ARHGAP8: variants seen among roughly 807,000 people sequenced by gnomAD.
ARHGAP8 encodes rho GTPase-activating protein 8.
In ARHGAP8, 62 loss-of-function variants were observed where a neutral mutation model predicts 46.1. That is an observed-to-expected ratio of 1.34 (90% CI 1.10 to 1.66). The LOEUF is 1.66. ARHGAP8 is among the 40% of genes most tolerant of loss of function. The probability of loss-of-function intolerance (pLI) is 0.00; values close to 1 mark genes in which losing one functional copy is unlikely to be tolerated. For missense variants in ARHGAP8, 923 were observed against 568.4 expected (o/e 1.62, Z -6.34); for synonymous variants, 375 against 243.1 (o/e 1.54, Z -5.05).
intron 2 of ARHGAP8, among the ~76,000 whole-genome samples, chr22:44,801,323 C>T (rs1408878588): frequency 9.0e-6 from 1 of 111,454 alleles, no homozygotes; most frequent in Non-Finnish European, 1.8e-5. Flanking sequence ...CTCCCCGCAG[C>T]TGTCTATGTG....
intron 3 of ARHGAP8, among the ~76,000 whole-genome samples, chr22:44,803,608 C>T (rs1397801931): frequency 7.3e-6 from 1 of 137,598 alleles, no homozygotes; most frequent in Admixed American, 7.6e-5. Flanking sequence ...GCTGTCCTCT[C>T]TCCACCCCCC....
At chr22:44,785,280 C>T (rs1927134225) in intron 1 of ARHGAP8, among the ~76,000 whole-genome samples, 1 of 152,130 alleles carries the variant, frequency 6.6e-6, no homozygotes, top group South Asian at 2.1e-4. Context: ...CTACCCATCT[C>T]CTCGGGCCGC....
chr22:44,807,207 G>A (rs529390553), intron 3 of ARHGAP8, among the ~76,000 whole-genome samples: 1 of 152,316 alleles, frequency 6.6e-6, no homozygotes, highest in South Asian at 2.1e-4. Context: ...TGAGCTGAGG[G>A]ATCATGGCCT....
intron 1 of ARHGAP8, among the ~76,000 whole-genome samples, chr22:44,779,097 CTTTTTTTTT>C (rs532665716): frequency 3.8e-5 from 1 of 26,110 alleles, no homozygotes; most frequent in Non-Finnish European, 8.7e-5. Flanking sequence ...TGGTCTCTGA[CTTTTTTTTT>C]TTTTTTTTTT....
rs2070529449 is a variant in ARHGAP8, at chr22:44,862,257, G to A, written c.982-18G>A. The A allele has an allele frequency of 2.5e-6, 4 of 1,575,048 alleles. No homozygotes were observed. Among genetic ancestry groups the A allele is most frequent in the Non-Finnish European group, 3.5e-6 (4 of 1,156,100 alleles). ...CCTTGGTGTTCACTCCCCTTTACTTGTGTGTGGTTTCCTCCAGGTGTCCCG... is the reference window on the plus strand; with the variant it reads ...CCTTGGTGTTCACTCCCCTTTACTTATGTGTGGTTTCCTCCAGGTGTCCCG... On this transcript the variant is annotated intron_variant, in intron 11 of 11. Transcript: ENST00000356099.
chr22:44,817,446 C>T (rs977796886), intron 5 of ARHGAP8, among the ~76,000 whole-genome samples: 1 of 152,242 alleles, frequency 6.6e-6, no homozygotes, highest in Non-Finnish European at 1.5e-5. Flanking sequence ...CACCCTTGTG[C>T]CCTATGTGAC....
chr22:44,761,251 C>T (rs1009469908), intron 1 of ARHGAP8, among the ~76,000 whole-genome samples: 6 of 152,186 alleles, frequency 3.9e-5, no homozygotes, highest in African/African-American at 1.4e-4. Flanking sequence ...TTCGTGGGCT[C>T]TGCATCCGTG....
At chr22:44,842,500 C>T (rs1931719286) in intron 7 of ARHGAP8, among the ~76,000 whole-genome samples, 2 of 152,168 alleles carry the variant, frequency 1.3e-5, no homozygotes, top group Admixed American at 6.5e-5. Context: ...GTGGAATCAC[C>T]CTCCAGAAAG....
chr22:44,862,535 G>A lies in ARHGAP8; in HGVS notation c.1242G>A (p.Thr414=), dbSNP rs367955730. The A allele has an allele frequency of 9.3e-5, 149 of 1,609,068 alleles. No individual in the cohort carries two copies. Among genetic ancestry groups the A allele is most frequent in the Non-Finnish European group, 1.1e-4 (128 of 1,176,162 alleles). ...LQEAVPRTQA[T]GLTKPTLPPS... ...AGGCTGTGCCACGGACACAAGCCAC[G>A]GGCCTCACCAAGCCTACCCTACCTC... Residue 414 remains threonine, a synonymous_variant, in exon 12 of 12, where the codon ACG becomes ACA. Coordinates refer to ENST00000356099, the MANE Select transcript of ARHGAP8 (RefSeq NM_181335.3).
chr22:44,798,528 C>T (rs925664519), intron 2 of ARHGAP8, among the ~76,000 whole-genome samples: 3 of 75,590 alleles, frequency 4.0e-5, no homozygotes, highest in African/African-American at 1.2e-4. Flanking sequence ...GGGGGACTTG[C>T]GTTTTTTTTT....
rs563633268 is a variant in ARHGAP8, at chr22:44,816,401, G to A, written c.386+1643G>A. 9.2e-5 allele frequency among the ~76,000 whole-genome samples: 14 copies of A among 152,194 alleles called. No individual in the cohort carries two copies. The South Asian group carries it at 1.0e-3, about 11-fold the overall frequency. On this transcript the variant is annotated intron_variant, in intron 5 of 11. Coordinates refer to ENST00000356099, the MANE Select transcript of ARHGAP8 (RefSeq NM_181335.3). ...GCACCTGCCTGTCTTCCCACCAGCC[G>A]TCTCCCGCCCCAAGGGCTACACTGC...
At chr22:44,754,373 T>TGAGA (rs71857186) in intron 1 of ARHGAP8, among the ~76,000 whole-genome samples, 4 of 147,480 alleles carry the variant, frequency 2.7e-5, no homozygotes, top group African/African-American at 5.0e-5. Flanking sequence ...TGTGTGTGTG[T>TGAGA]GACGCAGTTT....
chr22:44,781,743 T>C (rs1406043757), intron 1 of ARHGAP8, among the ~76,000 whole-genome samples: 2 of 152,190 alleles, frequency 1.3e-5, no homozygotes, highest in African/African-American at 4.8e-5. Context: ...CAGGCTGGTC[T>C]TGAACTCCTG....
At chr22:44,861,507 G>A (rs886290468) in intron 11 of ARHGAP8, among the ~76,000 whole-genome samples, 1 of 151,830 alleles carries the variant, frequency 6.6e-6, no homozygotes, top group Non-Finnish European at 1.5e-5. Context: ...TCTCACCTGA[G>A]CATCCTCAAC....
At chr22:44,862,172 TC>T in intron 11 of ARHGAP8, 102 bp from the exon 12 acceptor site, 1 of 1,391,178 alleles carries the variant, frequency 7.2e-7, no homozygotes. Context: ...AGTCCAGTGC[TC>T]CTCTCACTAC....
intron 4 of ARHGAP8, among the ~76,000 whole-genome samples, chr22:44,812,314 G>GC (rs1234979666): frequency 6.7e-6 from 1 of 149,706 alleles, no homozygotes; most frequent in Admixed American, 6.6e-5. Context: ...CACTGCTACT[G>GC]CCCCCCGCCC....
chr22:44,790,591 G>T (rs1602179350), intron 2 of ARHGAP8, among the ~76,000 whole-genome samples: 1 of 142,438 alleles, frequency 7.0e-6, no homozygotes. Context: ...CAGGAGAATC[G>T]CTTGAACCCG....
intron 2 of ARHGAP8, among the ~76,000 whole-genome samples, chr22:44,791,023 G>T (rs138337498): frequency 6.6e-6 from 1 of 152,120 alleles, no homozygotes; most frequent in African/African-American, 2.4e-5. Flanking sequence ...GTGAGCCACC[G>T]CACCTGGAAC....
At chr22:44,804,347 G>A (rs182528844) in intron 3 of ARHGAP8, among the ~76,000 whole-genome samples, 4 of 151,978 alleles carry the variant, frequency 2.6e-5, no homozygotes, top group East Asian at 3.9e-4. Context: ...GCAAAATAGC[G>A]AGAGCAGCAC....
Sources: allele counts gnomAD v4.1 joint callset (sites outside exome capture counted in the v4.1 genomes callset), GRCh38; gene constraint gnomAD v4.1.1; transcripts MANE v1.5; gene names NCBI Gene and HGNC (gene_info 2026-07-23, HGNC 2026-07-21).